Variants in UROC1 observed in about 807,000 individuals in gnomAD.
UROC1 encodes urocanate hydratase 1, also known as urocanate hydratase.
UROC1 carries 79 observed loss-of-function variants against 89.5 expected under a neutral mutation model. The ratio of observed to expected loss-of-function variants is 0.88; its 90% CI spans 0.74 to 1.06. The LOEUF is 1.06. UROC1 is among the 50% of genes least tolerant of loss of function. The pLI, the probability that UROC1 is intolerant of heterozygous loss-of-function variation, is 0.00. For missense variants in UROC1, 885 were observed against 907.8 expected (o/e 0.97, Z 0.32); for synonymous variants, 361 against 354.8 (o/e 1.02, Z -0.20).
chr3:126,516,714 C>T (rs1340692159), intron 1 of UROC1, among the ~76,000 whole-genome samples: 1 of 117,360 alleles, frequency 8.5e-6, no homozygotes, highest in African/African-American at 3.5e-5. Context: ...AACCTGCTTC[C>T]CCTTTCTCCC....
At position 126,481,664 on chromosome 3, in the gene UROC1, C is replaced by G. The variant is rs1490565769; in HGVS notation, c.*681G>C. On this transcript the variant is annotated 3_prime_UTR_variant, in exon 20 of 20. Transcript: ENST00000290868. ...GGCTCTGGACCCAGTCATTACCGGGCTATGGGATTGGGGAAGGGGTGCCAG... is the reference window on the plus strand; with the variant it reads ...GGCTCTGGACCCAGTCATTACCGGGGTATGGGATTGGGGAAGGGGTGCCAG... 5 of 152,380 alleles carry G rather than the reference C, an allele frequency of 3.3e-5. No individual in the cohort carries two copies. The highest frequency in any genetic ancestry group is 1.2e-4 in the African/African-American group (5 of 41,578). 9.4% of individuals were successfully genotyped at this position (152,380 alleles called of 1,614,324 possible). A position where few individuals can be genotyped will look rare whatever the true frequency, so the allele number is the denominator to read the frequency against.
At position 126,501,228 on chromosome 3, in the gene UROC1, C is replaced by A; in HGVS notation, c.955G>T (p.Val319Leu). 1 of 1,614,186 alleles carries A rather than the reference C, an allele frequency of 6.2e-7. No individual in the cohort carries two copies. ...VLSLGYHGNV[V>L]ALWERLVHEL... is the part of the protein sequence containing the mutation. The stretch of plus-strand genomic sequence containing the variant: ...CCAACCCCCACTCACCAAAGAGCCA[C>A]CACGTTGCCATGGTAACCAAGGCTG... The change falls in exon 10 of 20, where the codon GTG becomes TTG. Residue 319 changes from valine to leucine, a missense_variant. Transcript: ENST00000290868.
chr3:126,502,702 G>A (rs763405240), intron 9 of UROC1, among the ~76,000 whole-genome samples: 11 of 151,374 alleles, frequency 7.3e-5, no homozygotes, highest in Non-Finnish European at 1.5e-4. Context: ...TTATGTGTGT[G>A]TCTATGTATG....
chr3:126,517,110 G>A (rs1936344952), intron 1 of UROC1, among the ~76,000 whole-genome samples: 2 of 152,312 alleles, frequency 1.3e-5, no homozygotes, highest in Admixed American at 1.3e-4. Flanking sequence ...GCTGTTAGAT[G>A]AGGGGATACT....
intron 16 of UROC1, among the ~76,000 whole-genome samples, chr3:126,489,758 C>G (rs2107535111): frequency 6.6e-6 from 1 of 152,326 alleles, no homozygotes; most frequent in East Asian, 1.9e-4. Flanking sequence ...CGCTCCTCGT[C>G]TTACGATGGT....
intron 10 of UROC1, 103 bp from the exon 11 acceptor site, chr3:126,500,977 C>G (rs1241003949): frequency 5.3e-6 from 8 of 1,498,604 alleles, no homozygotes; most frequent in Non-Finnish European, 7.3e-6. Context: ...ACCCACAAAT[C>G]CAGCAGGCAC....
chr3:126,517,443 G>A, intron 1 of UROC1, 151 bp downstream of exon 1: 4 of 1,181,694 alleles, frequency 3.4e-6, no homozygotes, highest in Non-Finnish European at 3.6e-6. Context: ...AGTCCACTGT[G>A]CATTGCACCC....
At chr3:126,510,371 G>C (rs1030473379) in intron 2 of UROC1, among the ~76,000 whole-genome samples, 7 of 152,236 alleles carry the variant, frequency 4.6e-5, no homozygotes, top group Non-Finnish European at 8.8e-5. Context: ...AAGGGGTTTT[G>C]TATACAATTT....
chr3:126,486,358 C>T (rs1935515548), intron 18 of UROC1, among the ~76,000 whole-genome samples: 2 of 152,242 alleles, frequency 1.3e-5, no homozygotes, highest in Admixed American at 1.3e-4. Flanking sequence ...GTCCAACCAA[C>T]CCAAGAACAA....
chr3:126,483,549 C>T, intron 18 of UROC1, 81 bp from the exon 19 acceptor site: 9 of 1,386,700 alleles, frequency 6.5e-6, no homozygotes, highest in South Asian at 2.4e-5. Flanking sequence ...GTTTTGGAAG[C>T]ATTGGCTTGA....
rs529330043 is a variant in UROC1, at chr3:126,482,055, G to A, written c.*290C>T. 9.4e-4 allele frequency: 446 copies of A among 474,030 alleles called. No individual in the cohort carries two copies. The highest frequency in any genetic ancestry group is 1.2e-3 in the Middle Eastern group (2 of 1,662). The allele number at this position is 474,030 out of a possible 1,614,324, so 29.4% of individuals were successfully genotyped here. ...GGAGAGAGCTTGACCAGTGTTCACC[G>A]CAGGGCCCCCGGGCAGGCTTGGGAC... On this transcript the variant is annotated 3_prime_UTR_variant, in exon 20 of 20. Transcript: ENST00000290868.
intron 18 of UROC1, among the ~76,000 whole-genome samples, chr3:126,484,177 T>C (rs141765770): frequency 3.3e-3 from 507 of 152,336 alleles, no homozygotes; most frequent in African/African-American, 0.011. Flanking sequence ...TAACAGTTTT[T>C]GATATGTTCT....
Position 126,507,741 on chromosome 3 carries a change from C to G in UROC1, c.602+1G>C. The G allele has an allele frequency of 6.2e-7, 1 of 1,614,128 alleles. No individual in the cohort carries two copies. The highest frequency in any genetic ancestry group is 1.3e-5 in the African/African-American group (1 of 75,048). On this transcript the variant is annotated splice_donor_variant, in intron 6 of 19. Transcript: ENST00000290868. LOFTEE classifies it high-confidence loss of function. ...GTAAACAGACTGAAATAGTGACTTA[C>G]ATTGTAACCCCCAAGGCAAAGAGCT...
At chr3:126,489,152 C>T (rs1935586306) in intron 17 of UROC1, 124 bp downstream of exon 17, 2 of 937,964 alleles carry the variant, frequency 2.1e-6, no homozygotes, top group African/African-American at 3.2e-5. Flanking sequence ...CTGGGTTGGT[C>T]ACTCTATGCC....
In UROC1 at chr3:126,499,467, A is replaced by G; in HGVS notation, c.1244-58T>C. 4 of 1,532,876 alleles carry G rather than the reference A, an allele frequency of 2.6e-6. No homozygotes were observed. In the Middle Eastern group the frequency reaches 5.1e-4, roughly 194 times the overall value. The allele number at this position is 1,532,876 out of a possible 1,614,324, so 95.0% of individuals were successfully genotyped here. A position where few individuals can be genotyped will look rare whatever the true frequency, so the allele number is the denominator to read the frequency against. ...GGCAGGACACCCATGGCCACCCTAG[A>G]TGGCAACTTAAACACAGGGCCCAGA... On this transcript the variant is annotated intron_variant, in intron 12 of 19. Transcript: ENST00000290868.
At position 126,508,459 on chromosome 3, in the gene UROC1, A is replaced by G; in HGVS notation, c.368T>C (p.Val123Ala). Residue 123 changes from valine (V) to alanine (A), a missense_variant, in exon 4 of 20, where the codon GTG becomes GCG. Transcript: ENST00000290868. ...PAVAQFPQEL[V>A]TYGGNGQVFS... ...CACCTGCCCATTTCCTCCATAGGTC[A>G]CCAGCTCCTGGGGAAACTGAGGAAG... 1 of 1,613,848 alleles carries G rather than the reference A, an allele frequency of 6.2e-7. No individual in the cohort carries two copies. The highest frequency in any genetic ancestry group is 8.5e-7 in the Non-Finnish European group (1 of 1,179,898).
Position 126,488,219 on chromosome 3 carries a change from T to C in UROC1, c.1769A>G (p.His590Arg). ...ACRGATWVAL[H>R]NGGGVGWGEV... ...TTACCAGCCCACGCCCCCTCCGTTG[T>C]GAAGGGCGACCCAGGTGGCTCCGCG... Residue 590 changes from histidine to arginine, a missense_variant, in exon 18 of 20, where the codon CAC becomes CGC. Transcript: ENST00000290868. The C allele has an allele frequency of 6.2e-7, 1 of 1,614,174 alleles. No individual in the cohort carries two copies. Among genetic ancestry groups the C allele is most frequent in the Non-Finnish European group, 8.5e-7 (1 of 1,180,020 alleles).
At chr3:126,487,640 A>G (rs973119080) in intron 18 of UROC1, among the ~76,000 whole-genome samples, 1 of 152,230 alleles carries the variant, frequency 6.6e-6, no homozygotes, top group African/African-American at 2.4e-5. Flanking sequence ...CCCGCAGCCC[A>G]GAATCCAGCT....
At chr3:126,499,886 G>A (rs965239696) in intron 12 of UROC1, among the ~76,000 whole-genome samples, 171 bp downstream of exon 12, 1 of 152,168 alleles carries the variant, frequency 6.6e-6, no homozygotes, top group African/African-American at 2.4e-5. Flanking sequence ...TGAGCCACCT[G>A]GCTGGGCCTC....
Sources: allele counts gnomAD v4.1 joint callset (sites outside exome capture counted in the v4.1 genomes callset), GRCh38; gene constraint gnomAD v4.1.1; transcripts MANE v1.5; gene names NCBI Gene and HGNC (gene_info 2026-07-23, HGNC 2026-07-21).